The following DLL3 variants were observed in gnomAD, a reference collection of about 807,000 sequenced individuals.
DLL3 encodes the protein delta like canonical Notch ligand 3.
DLL3 carries 49 observed loss-of-function variants against 55.0 expected under a neutral mutation model. The ratio of observed to expected loss-of-function variants is 0.89; its 90% CI spans 0.71 to 1.13. The LOEUF (loss-of-function observed/expected upper bound fraction) is 1.13. Among genes scored for constraint, DLL3 ranks in the 50% most tolerant of loss-of-function variants. DLL3 has a pLI of 0.00. For synonymous variants in DLL3, 421 were observed against 385.2 expected, an observed-to-expected ratio of 1.09 and a Z score of -1.09; for missense variants, 962 against 875.5, an observed-to-expected ratio of 1.10 and a Z score of -1.25.
intron 3 of DLL3, among the ~76,000 whole-genome samples, chr19:39,502,598 C>A (rs569705809): frequency 1.3e-5 from 2 of 152,264 alleles, no homozygotes; most frequent in Non-Finnish European, 2.9e-5. Context: ...TAGAAAGGAC[C>A]ACGACATTGC....
At chr19:39,506,989 G>A (rs921504632) in intron 6 of DLL3, 50 bp from the exon 7 acceptor site, 2 of 1,522,574 alleles carry the variant, frequency 1.3e-6, no homozygotes, top group Admixed American at 2.0e-5. Context: ...GCGCGGGCAG[G>A]TGGGTCCCCG....
At position 39,504,701 on chromosome 19, in the gene DLL3, C is replaced by T. The variant is rs562085003; in HGVS notation, c.870+413C>T. Among the ~76,000 whole-genome samples, 11 of 152,060 alleles carry T rather than the reference C, an allele frequency of 7.2e-5. No individual in the cohort carries two copies. In the South Asian group the frequency reaches 1.2e-3, roughly 17 times the overall value. On this transcript the variant is annotated intron_variant, in intron 5 of 8. Coordinates refer to ENST00000356433, the MANE Select transcript of DLL3 (RefSeq NM_203486.3). ...TGGCCCGGGGCTGGGGCTTCTGGGA[C>T]GTGATTAGAGAGGGTGGCCAGGTGA... is the stretch of plus-strand genomic sequence containing the variant.
rs140489087 is a variant in DLL3 at position 39,504,072 on chromosome 19, G to A, written c.654G>A (p.Leu218=). 15 of 1,612,988 alleles carry A rather than the reference G, an allele frequency of 9.3e-6. No individual in the cohort carries two copies. Among genetic ancestry groups the A allele is most frequent in the East Asian group, 2.2e-5 (1 of 44,882 alleles). Residue 218 remains leucine, a splice_region_variant and synonymous_variant, in exon 5 of 9, where the codon CTG becomes CTA. Transcript: ENST00000356433. ...TCTCTGCCTCTCTGTCCCCCATAGTGGTGTGCCGAGCAGGCTGCAGCCCTG... is the reference window on the plus strand; with the variant it reads ...TCTCTGCCTCTCTGTCCCCCATAGTAGTGTGCCGAGCAGGCTGCAGCCCTG... ...APLEDECEAP[L]VCRAGCSPEH...
intron 3 of DLL3, among the ~76,000 whole-genome samples, chr19:39,500,934 A>G (rs1203520718): frequency 6.6e-6 from 1 of 151,848 alleles, no homozygotes; most frequent in African/African-American, 2.4e-5. Flanking sequence ...TCACAGCCCT[A>G]CCTTATCATC....
rs1478201652 is a variant in DLL3 at position 39,507,873 on chromosome 19, G to T, written c.1717G>T (p.Gly573Trp). The T allele has an allele frequency of 1.4e-5, 22 of 1,614,002 alleles. No individual in the cohort carries two copies. The highest frequency in any genetic ancestry group is 1.9e-5 in the Non-Finnish European group (22 of 1,180,036). ...TCGCCCTGAAGATGTAGACCCTCAAGGGATTTATGTCATATCTGCTCCTTC... is the reference window on the plus strand; with the variant it reads ...TCGCCCTGAAGATGTAGACCCTCAATGGATTTATGTCATATCTGCTCCTTC... ...WNRPEDVDPQ[G>W]IYVISAPSIY... Residue 573 changes from glycine to tryptophan, a missense_variant, in exon 8 of 9, where the codon GGG becomes TGG. Physicochemically the swap from Gly to Trp is radical, Grantham distance 184 (BLOSUM62 -2). Coordinates refer to ENST00000356433, the MANE Select transcript of DLL3 (RefSeq NM_203486.3).
rs530857183 is a variant in DLL3 at position 39,505,388 on chromosome 19, G to C, written c.1030G>C (p.Gly344Arg). 6.3e-5 allele frequency: 101 copies of C among 1,613,972 alleles called. No individual in the cohort carries two copies. Among genetic ancestry groups the C allele is most frequent in the Non-Finnish European group, 3.7e-5 (44 of 1,180,008 alleles). Reference sequence around the variant, plus strand: ...TGCCTACATCTGCCACTGCCCACCCGGTTTCCAAGGCTCCAACTGTGAGAA... The same window carrying C: ...TGCCTACATCTGCCACTGCCCACCCCGTTTCCAAGGCTCCAACTGTGAGAA... ...DSAYICHCPP[G>R]FQGSNCEKRV... The change falls in exon 6 of 9, where the codon GGT becomes CGT. Residue 344 changes from glycine (G) to arginine (R), a missense_variant. Transcript: ENST00000356433.
At chr19:39,503,961 A>G (rs2079625454) in intron 4 of DLL3, 110 bp from the exon 5 acceptor site, 1 of 1,031,508 alleles carries the variant, frequency 9.7e-7, no homozygotes, top group African/African-American at 1.6e-5. Flanking sequence ...CACAAAGATG[A>G]AGCAAGGTGG....
At chr19:39,506,619 A>G (rs1002072157) in intron 6 of DLL3, among the ~76,000 whole-genome samples, 24 of 152,044 alleles carry the variant, frequency 1.6e-4, no homozygotes, top group Non-Finnish European at 2.6e-4. Context: ...GGCAGTGATC[A>G]GGGCTGGGAT....
intron 3 of DLL3, 149 bp from the exon 4 acceptor site, chr19:39,502,666 T>C: frequency 1.0e-6 from 1 of 1,002,940 alleles, no homozygotes; most frequent in Non-Finnish European, 1.3e-6. Flanking sequence ...GTGACTGCCA[T>C]TCTACTCGCG....
At chr19:39,500,516 A>G in intron 2 of DLL3, 99 bp from the exon 3 acceptor site, 1 of 1,050,698 alleles carries the variant, frequency 9.5e-7, no homozygotes, top group Non-Finnish European at 1.4e-6. Flanking sequence ...GTCCCCAGCA[A>G]TGGCCATCAC....
Position 39,499,298 on chromosome 19 carries a change from T to C in DLL3, c.176T>C (p.Phe59Ser). The C allele has an allele frequency of 1.3e-6, 2 of 1,543,288 alleles. No individual in the cohort carries two copies. The stretch of plus-strand genomic sequence containing the variant: ...AGCGCCCGGCTCCCCTGCCGCCTCT[T>C]CTTCAGAGTCTGCCTGAAGCCTGGG... The part of the protein sequence containing the change: ...PCSARLPCRL[F>S]FRVCLKPGLS... The change falls in exon 2 of 9, where the codon TTC becomes TCC. Residue 59 changes from phenylalanine to serine, a missense_variant. Coordinates refer to ENST00000356433, the MANE Select transcript of DLL3 (RefSeq NM_203486.3).
chr19:39,501,960 C>T (rs188082990), intron 3 of DLL3, among the ~76,000 whole-genome samples: 9 of 151,886 alleles, frequency 5.9e-5, no homozygotes, highest in African/African-American at 9.6e-5. Context: ...CCGAGGCGGG[C>T]GGATCAGGAG....
At chr19:39,504,026 C>CCGA (rs1469020856) in intron 4 of DLL3, 45 bp from the exon 5 acceptor site, 20 of 1,596,606 alleles carry the variant, frequency 1.3e-5, no homozygotes, top group Non-Finnish European at 1.7e-5. Flanking sequence ...CTGGCCCTCC[C>CCGA]CGACGTTGGT....
intron 7 of DLL3, 54 bp downstream of exon 7, chr19:39,507,672 T>A: frequency 6.3e-7 from 1 of 1,587,834 alleles, no homozygotes; most frequent in Non-Finnish European, 8.6e-7. Flanking sequence ...CTTTTACCCA[T>A]CTCCGTGGTG....
chr19:39,505,454 G>A lies in DLL3; in HGVS notation c.1093+3G>A. ...CAGCCTGCAGCCATGCCGCAATGGT[G>A]AGGCCTGGAGGCCTGAACGGCGAGG... On this transcript the variant is annotated splice_donor_region_variant and intron_variant, in intron 6 of 8. Transcript: ENST00000356433. 6.2e-7 allele frequency: 1 copy of A among 1,613,760 alleles called. No individual in the cohort carries two copies. The highest frequency in any genetic ancestry group is 8.5e-7 in the Non-Finnish European group (1 of 1,179,774).
rs1028956837 is a variant in DLL3 at position 39,502,875 on chromosome 19, C to G, written c.470C>G (p.Pro157Arg). 8 of 1,421,554 alleles carry G rather than the reference C, an allele frequency of 5.6e-6. No homozygotes were observed. Among genetic ancestry groups the G allele is most frequent in the Non-Finnish European group, 7.3e-6 (8 of 1,092,686 alleles). 88.1% of individuals were successfully genotyped at this position (1,421,554 alleles called of 1,614,324 possible). The change falls in exon 4 of 9, where the codon CCG becomes CGG. Residue 157 changes from proline (P) to arginine (R), a missense_variant. Physicochemically the swap from Pro to Arg is moderately radical, Grantham distance 103. Coordinates refer to ENST00000356433, the MANE Select transcript of DLL3 (RefSeq NM_203486.3). ...AGRRRLAAGG[P>R]WARDIQRAGA... ...AGGCGGCGCTTGGCAGCCGGAGGCC[C>G]GTGGGCCCGGGACATTCAGCGCGCA...
intron 3 of DLL3, among the ~76,000 whole-genome samples, chr19:39,500,933 T>A (rs945301949): frequency 3.3e-5 from 5 of 152,056 alleles, no homozygotes; most frequent in Non-Finnish European, 5.9e-5. Flanking sequence ...TTCACAGCCC[T>A]ACCTTATCAT....
chr19:39,507,069 T>G lies in DLL3; in HGVS notation c.1124T>G (p.Leu375Arg). ...CTCTGCCTGGACCTGGGCCACGCCC[T>G]GCGCTGCCGCTGCCGCGCCGGCTTC... is the stretch of plus-strand genomic sequence containing the variant. ...GGLCLDLGHALRCRCRAGFAG... is the reference protein window; with the variant it reads ...GGLCLDLGHARRCRCRAGFAG... Residue 375 changes from leucine to arginine, a missense_variant, in exon 7 of 9, where the codon CTG becomes CGG. Leu to Arg is a moderately radical substitution (Grantham distance 102, BLOSUM62 -2). Coordinates refer to ENST00000356433, the MANE Select transcript of DLL3 (RefSeq NM_203486.3). 1 of 1,540,828 alleles carries G rather than the reference T, an allele frequency of 6.5e-7. No homozygotes were observed. The highest frequency in any genetic ancestry group is 8.7e-7 in the Non-Finnish European group (1 of 1,150,436).
At chr19:39,506,211 CAAAAAAAAAAAAAAAAAAAAAA>C (rs541216671) in intron 6 of DLL3, among the ~76,000 whole-genome samples, 1 of 54,520 alleles carries the variant, frequency 1.8e-5, no homozygotes, top group Non-Finnish European at 3.4e-5. Context: ...CACTCTGTCT[CAAAAAAAAAAAAAAAAAAAAAA>C]AAAAAAAAGA....
Sources: allele counts gnomAD v4.1 joint callset (sites outside exome capture counted in the v4.1 genomes callset), GRCh38; gene constraint gnomAD v4.1.1; transcripts MANE v1.5; gene names NCBI Gene and HGNC (gene_info 2026-07-23, HGNC 2026-07-21).